Variants in GPC4 observed in about 807,000 individuals in gnomAD.
GPC4 encodes the protein glypican 4.
Under a neutral mutation model 35.0 loss-of-function variants are expected in GPC4, and 10 were observed. The observed-to-expected ratio is 0.29, with a 90% CI of 0.18 to 0.48. The LOEUF is 0.48. Among genes scored for constraint, GPC4 ranks in the 20% least tolerant of loss-of-function variants. The probability of loss-of-function intolerance (pLI) is 0.99; values close to 1 mark genes in which losing one functional copy is unlikely to be tolerated. For synonymous variants in GPC4, 167 were observed against 170.2 expected (o/e 0.98, Z 0.15); for missense variants, 322 against 451.3 (o/e 0.71, Z 2.60).
At chrX:133,360,896 C>T (rs768629599) in intron 1 of GPC4, among the ~76,000 whole-genome samples, 19 of 111,687 alleles carry the variant, frequency 1.7e-4, no homozygotes, top group Non-Finnish European at 3.0e-4. Context: ...ATAATGGTGA[C>T]CCTGAGTGTT....
intron 2 of GPC4, among the ~76,000 whole-genome samples, chrX:133,325,893 C>T (rs2068390627): frequency 9.0e-6 from 1 of 111,729 alleles, no homozygotes; most frequent in African/African-American, 3.3e-5. Flanking sequence ...ACTCTCCTGA[C>T]ATGCCAAGAG....
chrX:133,384,114 G>C (rs974318238), intron 1 of GPC4, among the ~76,000 whole-genome samples: 21 of 112,170 alleles, frequency 1.9e-4, no homozygotes, highest in African/African-American at 4.8e-4. Context: ...CCACTACCCA[G>C]AGCAAATGGC....
intron 1 of GPC4, among the ~76,000 whole-genome samples, chrX:133,348,275 G>A (rs144301465): frequency 0.015 from 1,712 of 112,412 alleles, 43 homozygotes; most frequent in African/African-American, 0.052. Context: ...ACCAAACTGA[G>A]TGAATGGCCT....
chrX:133,343,824 C>T (rs984733875), intron 1 of GPC4, among the ~76,000 whole-genome samples: 6 of 111,645 alleles, frequency 5.4e-5, no homozygotes, highest in Admixed American at 2.8e-4. Context: ...CAAAGACAAT[C>T]ACAATAAATT....
chrX:133,400,338 G>A (rs971335203), intron 1 of GPC4, among the ~76,000 whole-genome samples: 1 of 112,293 alleles, frequency 8.9e-6, no homozygotes, highest in African/African-American at 3.2e-5. Flanking sequence ...AGGCCTTATA[G>A]GCCCATAATG....
chrX:133,402,909 GAA>G lies in GPC4; in HGVS notation c.160+11895_160+11896del, dbSNP rs11310772. Among the ~76,000 whole-genome samples, 378 of 67,056 alleles carry G rather than the reference GAA, an allele frequency of 5.6e-3. 3 individuals carry two copies. Among genetic ancestry groups the G allele is most frequent in the South Asian group, 0.026 (32 of 1,240 alleles). 58.2% of individuals were successfully genotyped at this position (67,056 alleles called of 115,157 possible). ...CAAGAGTGAAACTACGTCTCAAAAG[GAA>G]AAAAAAAAAAAAAAAAGAAAGAAAG... On this transcript the variant is annotated intron_variant, in intron 1 of 8. Transcript: ENST00000370828.
intron 1 of GPC4, among the ~76,000 whole-genome samples, chrX:133,399,813 C>T (rs2068760851): frequency 8.9e-6 from 1 of 111,910 alleles, no homozygotes; most frequent in Non-Finnish European, 1.9e-5. Context: ...CCAGCCTGGC[C>T]AACATGGCAA....
intron 3 of GPC4, among the ~76,000 whole-genome samples, chrX:133,319,443 C>CAAAAAAAAAAAA (rs369290840): frequency 5.9e-5 from 1 of 16,899 alleles, no homozygotes; most frequent in Non-Finnish European, 1.1e-4. Flanking sequence ...GACCCTATGT[C>CAAAAAAAAAAAA]AAAAAAAAAA....
chrX:133,324,565 AAAAAG>A, intron 2 of GPC4, 29 bp from the exon 3 acceptor site: 1 of 1,091,815 alleles, frequency 9.2e-7, no homozygotes, highest in Admixed American at 3.4e-5. Context: ...AAAAAAAAAA[AAAAAG>A]GAAAAACGAG....
chrX:133,381,401 C>A (rs768039293), intron 1 of GPC4, among the ~76,000 whole-genome samples: 1 of 111,977 alleles, frequency 8.9e-6, no homozygotes, highest in Non-Finnish European at 1.9e-5. Context: ...TGCAGGAAAC[C>A]GCAACCAGCT....
chrX:133,335,393 T>G (rs1175384464), intron 2 of GPC4, among the ~76,000 whole-genome samples: 1 of 111,269 alleles, frequency 9.0e-6, no homozygotes, highest in African/African-American at 3.3e-5. Flanking sequence ...ATAAGAAATC[T>G]GATGATTTTT....
At chrX:133,410,682 C>T (rs2068808839) in intron 1 of GPC4, among the ~76,000 whole-genome samples, 1 of 112,143 alleles carries the variant, frequency 8.9e-6, no homozygotes, top group Non-Finnish European at 1.9e-5. Flanking sequence ...AGTCTAGTCT[C>T]CAGTTAATCC....
At chrX:133,330,729 C>T (rs2068415803) in intron 2 of GPC4, among the ~76,000 whole-genome samples, 1 of 110,416 alleles carries the variant, frequency 9.1e-6, no homozygotes, top group Non-Finnish European at 1.9e-5. Flanking sequence ...GGGAGGACTG[C>T]TTGAAGCTAG....
intron 1 of GPC4, among the ~76,000 whole-genome samples, chrX:133,366,890 G>A (rs962272990): frequency 2.7e-5 from 3 of 111,881 alleles, no homozygotes; most frequent in Non-Finnish European, 5.6e-5. Context: ...TTGCATAGGA[G>A]TATAACCTTG....
At chrX:133,327,920 T>C (rs761886887) in intron 2 of GPC4, among the ~76,000 whole-genome samples, 11 of 110,870 alleles carry the variant, frequency 9.9e-5, no homozygotes, top group Non-Finnish European at 1.9e-4. Flanking sequence ...TTTCTCCAAA[T>C]GGGTATGCAA....
At chrX:133,406,598 A>T (rs1191374574) in intron 1 of GPC4, among the ~76,000 whole-genome samples, 2 of 107,576 alleles carry the variant, frequency 1.9e-5, no homozygotes, top group East Asian at 5.9e-4. Flanking sequence ...AAATATAAAA[A>T]ATTAGCCAGG....
chrX:133,409,381 G>A (rs1340180752), intron 1 of GPC4, among the ~76,000 whole-genome samples: 1 of 99,388 alleles, frequency 1.0e-5, no homozygotes, highest in Non-Finnish European at 2.0e-5. Flanking sequence ...AGATTCCTAG[G>A]AGATCAACAG....
At chrX:133,311,462 C>T (rs2068314039) in intron 3 of GPC4, 39 bp from the exon 4 acceptor site, 1 of 1,163,164 alleles carries the variant, frequency 8.6e-7, no homozygotes, top group Non-Finnish European at 1.2e-6. Context: ...AGTGGCGGGG[C>T]TAAAATAGAG....
At chrX:133,336,532 C>T (rs753843801) in intron 2 of GPC4, among the ~76,000 whole-genome samples, 2 of 110,995 alleles carry the variant, frequency 1.8e-5, no homozygotes, top group Admixed American at 9.6e-5. Context: ...AAGGCTCCAT[C>T]TCAAAACAAA....
Sources: gnomAD v4.1 joint callset for allele counts (sites outside exome capture counted in the v4.1 genomes callset) on GRCh38, gnomAD v4.1.1 for gene constraint, MANE v1.5 for transcripts, NCBI Gene and HGNC (gene_info 2026-07-23, HGNC 2026-07-21) for gene names.